Variants in MTRF1 observed in about 807,000 individuals in gnomAD.
MTRF1 encodes the protein mitochondrial translation release factor 1.
A neutral mutation model predicts 62.9 loss-of-function variants in MTRF1; 51 were observed. The observed-to-expected ratio is 0.81, with a 90% CI of 0.65 to 1.02. MTRF1 has a LOEUF of 1.02. Among genes scored for constraint, MTRF1 ranks in the 50% least tolerant of loss-of-function variants. The pLI, the probability that MTRF1 is intolerant of heterozygous loss-of-function variation, is 0.00. For missense variants in MTRF1, 446 were observed against 530.0 expected (o/e 0.84, Z 1.56); for synonymous variants, 158 against 181.9 (o/e 0.87, Z 1.06).
the MTRF1 span, among the ~76,000 whole-genome samples, chr13:41,273,855 T>C: frequency 6.6e-6 from 1 of 151,490 alleles, no homozygotes. Flanking sequence ...ACAAAAAAAA[T>C]GTAAGCTGAA....
At chr13:41,267,357 C>T (rs2040852534), upstream of MTRF1, among the ~76,000 whole-genome samples, 2 of 152,054 alleles carry the variant, frequency 1.3e-5, no homozygotes, top group Admixed American at 6.5e-5. Flanking sequence ...TGGTTATGCT[C>T]TGTGGTTATG....
upstream of MTRF1, among the ~76,000 whole-genome samples, chr13:41,265,149 G>A (rs183895648): frequency 3.3e-5 from 5 of 152,248 alleles, no homozygotes; most frequent in East Asian, 3.9e-4. Context: ...TTAGTCGGGC[G>A]TGGTGGTTCA....
At chr13:41,303,777 C>T in the MTRF1 span, among the ~76,000 whole-genome samples, 2 of 152,130 alleles carry the variant, frequency 1.3e-5, no homozygotes, top group Non-Finnish European at 2.9e-5. Context: ...GTCCTGATAT[C>T]CTGATGTCTT....
At chr13:41,263,638 A>G (rs2040718235), upstream of MTRF1, 1 of 175,088 alleles carries the variant, frequency 5.7e-6, no homozygotes, top group Non-Finnish European at 1.2e-5. Context: ...CTCCGCCACT[A>G]CCGCTCTCCG....
At chr13:41,222,259 C>T (rs1055548796) in intron 9 of MTRF1, among the ~76,000 whole-genome samples, 1 of 152,102 alleles carries the variant, frequency 6.6e-6, no homozygotes, top group African/African-American at 2.4e-5. Flanking sequence ...TTTTTCTGTG[C>T]TTCATCATTA....
chr13:41,279,294 C>G, the MTRF1 span, among the ~76,000 whole-genome samples: 1 of 152,178 alleles, frequency 6.6e-6, no homozygotes, highest in African/African-American at 2.4e-5. Flanking sequence ...CCAGCCAACT[C>G]TTAAGTCTTG....
chr13:41,257,172 T>C (rs1399832104), intron 2 of MTRF1, among the ~76,000 whole-genome samples: 1 of 152,168 alleles, frequency 6.6e-6, no homozygotes, highest in Non-Finnish European at 1.5e-5. Context: ...GAAGGCAGAA[T>C]ATGCAAAGAG....
At position 41,255,034 on chromosome 13, in the gene MTRF1, A is replaced by G. The variant is rs1177541322; in HGVS notation, c.416-414T>C. ...AAAAAGCTACTAGCTAATTAAATAT[A>G]AACCCAAATAAGATAAGATTTGGAG... On this transcript the variant is annotated intron_variant, in intron 2 of 9. Transcript: ENST00000379480. 5.9e-5 allele frequency among the ~76,000 whole-genome samples: 9 copies of G among 152,366 alleles called. No homozygotes were observed. The East Asian group carries it at 1.7e-3, about 29-fold the overall frequency.
the MTRF1 span, among the ~76,000 whole-genome samples, chr13:41,285,293 C>T: frequency 6.6e-6 from 1 of 152,198 alleles, no homozygotes; most frequent in Non-Finnish European, 1.5e-5. Context: ...CTCTGGAAAA[C>T]TCCCAACTTG....
chr13:41,299,245 GA>G, the MTRF1 span, among the ~76,000 whole-genome samples: 1 of 151,930 alleles, frequency 6.6e-6, no homozygotes, highest in Non-Finnish European at 1.5e-5. Context: ...AGAAGGGGGA[GA>G]AATTTTGGTA....
intron 5 of MTRF1, among the ~76,000 whole-genome samples, chr13:41,242,148 G>GGTTTTTTGTAA (rs2037592634): frequency 6.6e-6 from 1 of 151,684 alleles, no homozygotes; most frequent in Non-Finnish European, 1.5e-5. Context: ...GTAATATACT[G>GGTTTTTTGTAA]AACTGGTTCA....
At chr13:41,220,772 A>G (rs2033164482) in intron 9 of MTRF1, 2 of 404,094 alleles carry the variant, frequency 4.9e-6, no homozygotes, top group Admixed American at 6.1e-5. Context: ...GTGGCTGAAA[A>G]TGTGGCCTCT....
chr13:41,226,819 C>T (rs2034513824), intron 7 of MTRF1, among the ~76,000 whole-genome samples: 1 of 152,170 alleles, frequency 6.6e-6, no homozygotes, highest in South Asian at 2.1e-4. Context: ...ATTACCTGTC[C>T]TTTCAGTCCC....
chr13:41,284,567 A>G, the MTRF1 span, among the ~76,000 whole-genome samples: 5 of 151,892 alleles, frequency 3.3e-5, no homozygotes, highest in African/African-American at 1.2e-4. Context: ...AAGGAAAAAA[A>G]ATTTCTCTGA....
chr13:41,298,876 T>C, the MTRF1 span, among the ~76,000 whole-genome samples: 3 of 151,986 alleles, frequency 2.0e-5, no homozygotes, highest in Admixed American at 6.6e-5. Context: ...GGACAAGAAG[T>C]TCTGTCAAAA....
At chr13:41,284,026 G>A in the MTRF1 span, among the ~76,000 whole-genome samples, 2 of 138,854 alleles carry the variant, frequency 1.4e-5, no homozygotes, top group Non-Finnish European at 3.2e-5. Context: ...CAGGTAAGAC[G>A]CAACCACATT....
the MTRF1 span, among the ~76,000 whole-genome samples, chr13:41,280,788 C>A: frequency 6.6e-6 from 1 of 152,110 alleles, no homozygotes; most frequent in Non-Finnish European, 1.5e-5. Flanking sequence ...TTTATTGACA[C>A]CTCAATTTTG....
the MTRF1 span, among the ~76,000 whole-genome samples, chr13:41,307,674 T>G: frequency 7.9e-3 from 1,200 of 151,920 alleles, 17 homozygotes; most frequent in African/African-American, 0.028. Flanking sequence ...GCTCCAGCCA[T>G]GTAGGATGTG....
At chr13:41,283,465 G>C in the MTRF1 span, among the ~76,000 whole-genome samples, 1 of 152,090 alleles carries the variant, frequency 6.6e-6, no homozygotes, top group African/African-American at 2.4e-5. Flanking sequence ...GTCACTGAGA[G>C]GTGCTCACAG....
Sources: allele counts gnomAD v4.1 joint callset (sites outside exome capture counted in the v4.1 genomes callset), GRCh38; gene constraint gnomAD v4.1.1; transcripts MANE v1.5; gene names NCBI Gene and HGNC (gene_info 2026-07-23, HGNC 2026-07-21).